The following MGAT4A variants were observed in gnomAD, a reference collection of about 807,000 sequenced individuals.
The protein encoded by MGAT4A is alpha-1,3-mannosyl-glycoprotein 4-beta-N-acetylglucosaminyltransferase A.
Under a neutral mutation model 74.1 loss-of-function variants are expected in MGAT4A, and 33 were observed. The ratio of observed to expected loss-of-function variants is 0.45; its 90% CI spans 0.34 to 0.60. The LOEUF is 0.60. Among genes scored for constraint, MGAT4A ranks in the 20% least tolerant of loss-of-function variants. The probability of loss-of-function intolerance (pLI) is 0.02; values close to 1 mark genes in which losing one functional copy is unlikely to be tolerated. For missense variants in MGAT4A, 479 were observed against 628.3 expected (o/e 0.76, Z 2.54); for synonymous variants, 198 against 210.4 (o/e 0.94, Z 0.51).
In MGAT4A at chr2:98,675,132, A is replaced by G. The variant is rs751695672; in HGVS notation, c.306T>C (p.Ser102=). The G allele has an allele frequency of 1.3e-5, 21 of 1,611,738 alleles. No individual in the cohort carries two copies. The highest frequency in any genetic ancestry group is 1.8e-5 in the Non-Finnish European group (21 of 1,178,686). The part of the protein sequence containing the change: ...KLLKELTSKK[S]LQVPSIYYHL... ...GATAATAAATACTTGGCACTTGAAG[A>G]GATTTTTTGCTTGTTAACTCCTTTA... The change falls in exon 4 of 16, where the codon TCT becomes TCC. Residue 102 remains serine, a synonymous_variant. Transcript: ENST00000393487.
At chr2:98,643,771 A>T in intron 10 of MGAT4A, 152 bp downstream of exon 10, 1 of 647,686 alleles carries the variant, frequency 1.5e-6, no homozygotes, top group Admixed American at 4.0e-5. Context: ...CTGCTATCTA[A>T]AAGTTCTTCT....
At chr2:98,677,533 AC>A (rs1701991469) in intron 3 of MGAT4A, among the ~76,000 whole-genome samples, 1 of 151,968 alleles carries the variant, frequency 6.6e-6, no homozygotes, top group South Asian at 2.1e-4. Flanking sequence ...GCTCACTACA[AC>A]CTCCGCCTCA....
At chr2:98,706,276 G>A (rs1702430467) in intron 2 of MGAT4A, among the ~76,000 whole-genome samples, 1 of 152,170 alleles carries the variant, frequency 6.6e-6, no homozygotes, top group South Asian at 2.1e-4. Context: ...GAACGGAATG[G>A]TGTAAAAAGT....
rs772140082 is a variant in MGAT4A at position 98,624,993 on chromosome 2, T to C, written c.*573A>G. The C allele has an allele frequency of 1.5e-5, 15 of 985,248 alleles. No homozygotes were observed. Among genetic ancestry groups the C allele is most frequent in the Non-Finnish European group, 1.8e-5 (15 of 829,400 alleles). 61.0% of individuals were successfully genotyped at this position (985,248 alleles called of 1,614,324 possible). The stretch of plus-strand genomic sequence containing the variant: ...TTTGAAAAATGGCATTGGTTTGTAA[T>C]GTTTGCATTTCCAAAGAAAAATATA... On this transcript the variant is annotated 3_prime_UTR_variant, in exon 16 of 16. Coordinates refer to ENST00000393487, the MANE Select transcript of MGAT4A (RefSeq NM_012214.3).
At chr2:98,627,224 T>C (rs1162613022) in intron 14 of MGAT4A, among the ~76,000 whole-genome samples, 1 of 152,228 alleles carries the variant, frequency 6.6e-6, no homozygotes, top group African/African-American at 2.4e-5. Context: ...ATGAGAAATG[T>C]ATAAAGAGCT....
At chr2:98,724,728 G>T (rs976835716) in intron 2 of MGAT4A, among the ~76,000 whole-genome samples, 4 of 151,814 alleles carry the variant, frequency 2.6e-5, no homozygotes, top group African/African-American at 9.7e-5. Context: ...TTTCAAATAA[G>T]GCACAGTGAG....
rs189819249 is a variant in MGAT4A at position 98,664,510 on chromosome 2, A to G, written c.404-1331T>C. Among the ~76,000 whole-genome samples, 75 of 152,266 alleles carry G rather than the reference A, an allele frequency of 4.9e-4. 1 individual carries two copies. In the East Asian group the frequency reaches 7.1e-3, roughly 14 times the overall value. ...TGCATACAAAATGCACGCACCTCAA[A>G]ATACCTACCAGCTGTCTCAGTTCAC... On this transcript the variant is annotated intron_variant, in intron 4 of 15. Transcript: ENST00000393487.
At chr2:98,712,243 C>A (rs2104326334) in intron 2 of MGAT4A, among the ~76,000 whole-genome samples, 1 of 152,344 alleles carries the variant, frequency 6.6e-6, no homozygotes, top group Admixed American at 6.5e-5. Flanking sequence ...CAGACCAACT[C>A]CAACACCGCT....
chr2:98,660,171 A>T (rs1464706602), intron 5 of MGAT4A, among the ~76,000 whole-genome samples: 2 of 152,276 alleles, frequency 1.3e-5, no homozygotes, highest in Admixed American at 1.3e-4. Flanking sequence ...AATTTAACCA[A>T]GGAAGTGAAA....
At position 98,620,259 on chromosome 2, in the gene MGAT4A, T is replaced by A. The variant is rs1235279124; in HGVS notation, c.*5307A>T. 1.3e-5 allele frequency: 2 copies of A among 152,184 alleles called. No homozygotes were observed. The highest frequency in any genetic ancestry group is 2.4e-5 in the African/African-American group (1 of 41,444). The allele number at this position is 152,184 out of a possible 1,614,324, so 9.4% of individuals were successfully genotyped here. A position where few individuals can be genotyped will look rare whatever the true frequency, so the allele number is the denominator to read the frequency against. ...ATACTAGTTATCGTAGCATATAAGA[T>A]TCATAATTTAAAATGCACAACTACC... On this transcript the variant is annotated 3_prime_UTR_variant, in exon 16 of 16. Coordinates refer to ENST00000393487, the MANE Select transcript of MGAT4A (RefSeq NM_012214.3).
At chr2:98,684,937 A>T (rs540124358) in intron 2 of MGAT4A, among the ~76,000 whole-genome samples, 1 of 152,282 alleles carries the variant, frequency 6.6e-6, no homozygotes, top group East Asian at 1.9e-4. Flanking sequence ...ACTGAAAAAA[A>T]TGTTGATAAG....
chr2:98,656,030 C>A (rs1006062200), intron 7 of MGAT4A: 2 of 267,726 alleles, frequency 7.5e-6, no homozygotes, highest in Non-Finnish European at 1.4e-5. Context: ...CAAATAGGTA[C>A]TGAATGCTTT....
Position 98,620,141 on chromosome 2 carries a change from T to C in MGAT4A, c.*5425A>G, listed in dbSNP as rs879112696. 1.3e-5 allele frequency: 2 copies of C among 152,232 alleles called. No individual in the cohort carries two copies. The highest frequency in any genetic ancestry group is 4.8e-5 in the African/African-American group (2 of 41,464). 9.4% of individuals were successfully genotyped at this position (152,232 alleles called of 1,614,324 possible). The stretch of plus-strand genomic sequence containing the variant: ...AGAAGAGTTTATATATAGGTGTTGA[T>C]ACAGATATGTATAACAAAATCCTCA... On this transcript the variant is annotated 3_prime_UTR_variant, in exon 16 of 16. Coordinates refer to ENST00000393487, the MANE Select transcript of MGAT4A (RefSeq NM_012214.3).
intron 14 of MGAT4A, among the ~76,000 whole-genome samples, chr2:98,633,454 A>C (rs1303496206): frequency 6.6e-6 from 1 of 152,216 alleles, no homozygotes; most frequent in African/African-American, 2.4e-5. Context: ...CCTTAGGACA[A>C]TCTTCACAGA....
chr2:98,714,449 G>A lies in MGAT4A; in HGVS notation c.94+11790C>T, dbSNP rs115644874. 7.6e-3 allele frequency among the ~76,000 whole-genome samples: 1,150 copies of A among 152,274 alleles called. 16 individuals are homozygous for A. Among genetic ancestry groups the A allele is most frequent in the African/African-American group, 0.027 (1,118 of 41,540 alleles). ...AATGAGGAAAAGAGGAGACTAGCAT[G>A]GACACCACAGTATTCAATTAAAATC... On this transcript the variant is annotated intron_variant, in intron 2 of 15. Coordinates refer to ENST00000393487, the MANE Select transcript of MGAT4A (RefSeq NM_012214.3).
chr2:98,729,688 CTTATT>C (rs1265140248), intron 1 of MGAT4A, among the ~76,000 whole-genome samples: 1 of 152,186 alleles, frequency 6.6e-6, no homozygotes, highest in Non-Finnish European at 1.5e-5. Flanking sequence ...AAAACCTTTA[CTTATT>C]TTAAAGTGTT....
intron 2 of MGAT4A, among the ~76,000 whole-genome samples, chr2:98,704,949 C>T (rs1040590110): frequency 6.6e-6 from 1 of 152,080 alleles, no homozygotes; most frequent in Non-Finnish European, 1.5e-5. Flanking sequence ...ACACCAGAGG[C>T]GCAACTGACA....
chr2:98,699,860 G>A (rs949155307), intron 2 of MGAT4A, among the ~76,000 whole-genome samples: 2 of 152,054 alleles, frequency 1.3e-5, no homozygotes, highest in African/African-American at 4.8e-5. Flanking sequence ...CTTGAACCCC[G>A]AGTATGTGAC....
At chr2:98,718,760 A>G (rs1307385730) in intron 2 of MGAT4A, among the ~76,000 whole-genome samples, 1 of 152,186 alleles carries the variant, frequency 6.6e-6, no homozygotes, top group Non-Finnish European at 1.5e-5. Context: ...CTGCTGATGG[A>G]ATGCAGGCTC....
Sources: gnomAD v4.1 joint callset for allele counts (sites outside exome capture counted in the v4.1 genomes callset) on GRCh38, gnomAD v4.1.1 for gene constraint, MANE v1.5 for transcripts, NCBI Gene and HGNC (gene_info 2026-07-23, HGNC 2026-07-21) for gene names.